Variants in BABAM1 observed in about 807,000 individuals in gnomAD.
The protein encoded by BABAM1 is BRISC and BRCA1 A complex member 1, also known as BRISC and BRCA1-A complex member 1.
Under a neutral mutation model 34.4 loss-of-function variants are expected in BABAM1, and 14 were observed. The ratio of observed to expected loss-of-function variants is 0.41; its 90% CI spans 0.27 to 0.64. The LOEUF is 0.64. Among genes scored for constraint, BABAM1 ranks in the 30% least tolerant of loss-of-function variants. BABAM1 has a pLI of 0.34. For synonymous variants in BABAM1, 169 were observed against 165.8 expected (o/e 1.02, Z -0.15); for missense variants, 393 against 434.0 (o/e 0.91, Z 0.84).
At chr19:17,271,540 G>C in intron 2 of BABAM1, 57 bp from the exon 3 acceptor site, 1 of 1,579,224 alleles carries the variant, frequency 6.3e-7, no homozygotes, top group Non-Finnish European at 8.7e-7. Context: ...CCAGTGAGTG[G>C]TGTGGGGGCC....
intron 6 of BABAM1, 87 bp from the exon 7 acceptor site, chr19:17,276,408 G>A (rs772965073): frequency 5.8e-6 from 9 of 1,541,560 alleles, no homozygotes; most frequent in Admixed American, 2.0e-5. Context: ...TCACCTGCCC[G>A]GTGAGCATCT....
At chr19:17,273,559 GTTTTGTTTTTTTT>G (rs2073869212) in intron 3 of BABAM1, among the ~76,000 whole-genome samples, 2 of 24,612 alleles carry the variant, frequency 8.1e-5, no homozygotes, top group Non-Finnish European at 8.5e-5. Context: ...TTTTTTGTTT[GTTTTGTTTTTTTT>G]TTTTTTTTTG....
rs772769266 is a variant in BABAM1 at position 17,276,929 on chromosome 19, G to A, written c.786+20G>A. The A allele has an allele frequency of 6.4e-7, 1 of 1,574,056 alleles. No individual in the cohort carries two copies. Among genetic ancestry groups the A allele is most frequent in the Non-Finnish European group, 8.6e-7 (1 of 1,158,572 alleles). The stretch of plus-strand genomic sequence containing the variant: ...TGGAAGGTGAGAGGCTGCAGCAGGT[G>A]TGAGTAGCAGGCGGGTGTGGACAGG... On this transcript the variant is annotated intron_variant, in intron 8 of 8. Coordinates refer to ENST00000598188, the MANE Select transcript of BABAM1 (RefSeq NM_014173.4).
Position 17,276,534 on chromosome 19 carries a change from G to T in BABAM1, c.609G>T (p.Gln203His). ...KTELPVTENV[Q>H]TIPPPYVVRT... ...AGCTTCCGGTCACAGAGAACGTGCA[G>T]ACGATTCCCCCGCCATATGTGGTCC... The change falls in exon 7 of 9, where the codon CAG becomes CAT. Residue 203 changes from glutamine (Q) to histidine (H), a missense_variant. Transcript: ENST00000598188. The T allele has an allele frequency of 6.3e-7, 1 of 1,593,862 alleles. No individual in the cohort carries two copies. The highest frequency in any genetic ancestry group is 1.7e-5 in the Admixed American group (1 of 57,256).
chr19:17,269,011 G>T lies in BABAM1; in HGVS notation c.205G>T (p.Gly69Cys), dbSNP rs199925580. ...DDGSLNTSGA[G>C]PKSWQVPPPA... is the part of the protein sequence containing the mutation. ...TGGGAGCCTCAACACTTCAGGAGCCGGCCCTAAGTCCTGGCAGGTGCCCCC... is the reference window on the plus strand; with the variant it reads ...TGGGAGCCTCAACACTTCAGGAGCCTGCCCTAAGTCCTGGCAGGTGCCCCC... Residue 69 changes from glycine to cysteine, a missense_variant, in exon 2 of 9, where the codon GGC (glycine) becomes TGC (cysteine). By Grantham distance (159) the Gly-to-Cys change is radical (BLOSUM62 -3). Coordinates refer to ENST00000598188, the MANE Select transcript of BABAM1 (RefSeq NM_014173.4). 29 of 1,590,906 alleles carry T rather than the reference G, an allele frequency of 1.8e-5. No individual in the cohort carries two copies. The highest frequency in any genetic ancestry group is 2.5e-5 in the Non-Finnish European group (29 of 1,169,862).
chr19:17,269,637 C>T (rs1043602186), intron 2 of BABAM1, among the ~76,000 whole-genome samples: 1 of 152,148 alleles, frequency 6.6e-6, no homozygotes, highest in South Asian at 2.1e-4. Context: ...AGGCATGAGC[C>T]ACTCTGCCTG....
chr19:17,274,109 G>A lies in BABAM1; in HGVS notation c.468G>A (p.Leu156=). Residue 156 remains leucine, a splice_region_variant and synonymous_variant, in exon 5 of 9, where the codon CTG becomes CTA. Coordinates refer to ENST00000598188, the MANE Select transcript of BABAM1 (RefSeq NM_014173.4). ...CTGAGGCCTCTGCTTCCCTGCAGCT[G>A]TCTGGCCTGACCTCCGACCCCCGCG... ...LVVVNDDTAW[L]SGLTSDPREL... is the part of the protein sequence containing the mutation. 6.2e-7 allele frequency: 1 copy of A among 1,613,664 alleles called. No homozygotes were observed. Among genetic ancestry groups the A allele is most frequent in the African/African-American group, 1.3e-5 (1 of 75,008 alleles).
At chr19:17,268,615 G>T (rs1315347708) in intron 1 of BABAM1, 179 bp from the exon 2 acceptor site, 1 of 590,394 alleles carries the variant, frequency 1.7e-6, no homozygotes, top group African/African-American at 1.9e-5. Context: ...TTTTAGTTGA[G>T]ACGGGGTTTC....
chr19:17,268,040 C>A (rs941045784), intron 1 of BABAM1, among the ~76,000 whole-genome samples: 1 of 151,704 alleles, frequency 6.6e-6, no homozygotes, highest in African/African-American at 2.4e-5. Context: ...CGCTTTTTAC[C>A]GAGGCAAAAG....
Position 17,278,612 on chromosome 19 carries a change from A to G in BABAM1, c.787-233A>G, listed in dbSNP as rs1453344563. 2.0e-5 allele frequency among the ~76,000 whole-genome samples: 3 copies of G among 152,262 alleles called. No homozygotes were observed. In the East Asian group the frequency reaches 5.8e-4, roughly 30 times the overall value. ...GCGTGAGCCACCGCGCCCGGCCCAC[A>G]CTGGGGACTCTTTGGGGGCCATGAC... is the stretch of plus-strand genomic sequence containing the variant. On this transcript the variant is annotated intron_variant, in intron 8 of 8. Transcript: ENST00000598188.
Position 17,270,317 on chromosome 19 carries a change from G to A in BABAM1, c.285+1226G>A, listed in dbSNP as rs1019201179. Among the ~76,000 whole-genome samples the A allele has an allele frequency of 2.0e-4, 31 of 151,986 alleles. 1 individual carries two copies. Among genetic ancestry groups the A allele is most frequent in the Admixed American group, 1.8e-3 (28 of 15,236 alleles). The stretch of plus-strand genomic sequence containing the variant: ...CCCACCTCAGCCTCCCAAAGTGCTG[G>A]GATTACAGGTGTTAGCCACCGCGCC... On this transcript the variant is annotated intron_variant, in intron 2 of 8. Transcript: ENST00000598188.
intron 3 of BABAM1, among the ~76,000 whole-genome samples, chr19:17,273,559 G>GTTT (rs1252906493): frequency 8.1e-5 from 2 of 24,582 alleles, no homozygotes; most frequent in East Asian, 4.8e-4. Context: ...TTTTTTGTTT[G>GTTT]TTTTGTTTTT....
At chr19:17,273,255 T>A (rs918730753) in intron 3 of BABAM1, among the ~76,000 whole-genome samples, 1 of 152,062 alleles carries the variant, frequency 6.6e-6, no homozygotes, top group African/African-American at 2.4e-5. Flanking sequence ...GGGGGGCAGT[T>A]TGGGTTGCAG....
intron 8 of BABAM1, chr19:17,277,186 GC>G: frequency 3.1e-6 from 1 of 325,560 alleles, no homozygotes; most frequent in South Asian, 6.7e-5. Context: ...TTGCTTGCTT[GC>G]TTTTCTTTCT....
chr19:17,278,579 G>A (rs2145628260), intron 8 of BABAM1, among the ~76,000 whole-genome samples: 1 of 151,912 alleles, frequency 6.6e-6, no homozygotes, highest in East Asian at 2.0e-4. Context: ...AAAGTGCTGG[G>A]ATTACAGGCG....
chr19:17,267,590 C>T (rs1449140831), intron 1 of BABAM1, 63 bp downstream of exon 1: 1 of 152,262 alleles, frequency 6.6e-6, no homozygotes, highest in Non-Finnish European at 1.5e-5. Context: ...CCCAAGAGAT[C>T]CAGCTCCTCG....
Position 17,269,011 on chromosome 19 carries a change from G to A in BABAM1, c.205G>A (p.Gly69Ser), listed in dbSNP as rs199925580. ...DDGSLNTSGAGPKSWQVPPPA... is the reference protein window; with the variant it reads ...DDGSLNTSGASPKSWQVPPPA... ...TGGGAGCCTCAACACTTCAGGAGCC[G>A]GCCCTAAGTCCTGGCAGGTGCCCCC... is the stretch of plus-strand genomic sequence containing the variant. Residue 69 changes from glycine to serine, a missense_variant, in exon 2 of 9, where the codon GGC becomes AGC. Gly to Ser is a moderately conservative substitution (Grantham distance 56). Transcript: ENST00000598188. The A allele has an allele frequency of 2.9e-5, 46 of 1,590,906 alleles. 1 individual carries two copies. In the Middle Eastern group the frequency reaches 6.2e-4, roughly 22 times the overall value.
intron 1 of BABAM1, among the ~76,000 whole-genome samples, chr19:17,268,288 GTTATC>G (rs1341961996): frequency 6.6e-6 from 1 of 151,944 alleles, no homozygotes; most frequent in Non-Finnish European, 1.5e-5. Context: ...AGGGGGGACT[GTTATC>G]TTATGTCGGA....
intron 7 of BABAM1, 33 bp downstream of exon 7, chr19:17,276,657 G>A: frequency 6.3e-7 from 1 of 1,583,250 alleles, no homozygotes; most frequent in Non-Finnish European, 8.6e-7. Flanking sequence ...AGGGGTGCCT[G>A]CAGCCATGAG....
Sources: allele counts gnomAD v4.1 joint callset (sites outside exome capture counted in the v4.1 genomes callset), GRCh38; gene constraint gnomAD v4.1.1; transcripts MANE v1.5; gene names NCBI Gene and HGNC (gene_info 2026-07-23, HGNC 2026-07-21).